Variants in SWAP70 observed in about 807,000 individuals in gnomAD.
The protein encoded by SWAP70 is switching B cell complex subunit SWAP70.
In SWAP70, 34 loss-of-function variants were observed where a neutral mutation model predicts 80.2. That is an observed-to-expected ratio of 0.42 (90% CI 0.32 to 0.56). The LOEUF (loss-of-function observed/expected upper bound fraction) is 0.56. SWAP70 is among the 20% of genes least tolerant of loss of function. The pLI is 0.09. For missense variants in SWAP70, 578 were observed against 690.7 expected, an observed-to-expected ratio of 0.84 and a Z score of 1.83; for synonymous variants, 239 against 238.5, an observed-to-expected ratio of 1.00 and a Z score of -0.02.
intron 1 of SWAP70, among the ~76,000 whole-genome samples, chr11:9,666,530 A>G (rs538780820): frequency 7.9e-5 from 12 of 152,130 alleles, no homozygotes; most frequent in South Asian, 4.2e-4. Context: ...AATGTAGAAA[A>G]CTTATCACCA....
chr11:9,723,008 A>C (rs1418429795), intron 3 of SWAP70, among the ~76,000 whole-genome samples: 1 of 152,198 alleles, frequency 6.6e-6, no homozygotes, highest in East Asian at 1.9e-4. Context: ...GAGGTGGGAC[A>C]TGTTTGAGAA....
At chr11:9,709,272 A>G (rs1226629349) in intron 2 of SWAP70, among the ~76,000 whole-genome samples, 3 of 151,204 alleles carry the variant, frequency 2.0e-5, no homozygotes, top group South Asian at 2.1e-4. Flanking sequence ...CTAAAGGCAC[A>G]TGCCAACATG....
chr11:9,672,055 T>G (rs1258382353), intron 1 of SWAP70, among the ~76,000 whole-genome samples: 4 of 124,712 alleles, frequency 3.2e-5, no homozygotes, highest in Non-Finnish European at 6.3e-5. Context: ...ATATAATATA[T>G]TTTATAGTAT....
chr11:9,729,510 T>C, intron 6 of SWAP70, 59 bp downstream of exon 6: 1 of 1,325,456 alleles, frequency 7.5e-7, no homozygotes. Flanking sequence ...CTTTCTTTTT[T>C]TTTTCTGAGA....
At chr11:9,703,138 A>G (rs1315139074) in intron 2 of SWAP70, among the ~76,000 whole-genome samples, 2 of 152,066 alleles carry the variant, frequency 1.3e-5, no homozygotes, top group Non-Finnish European at 2.9e-5. Flanking sequence ...GTCTATATAT[A>G]TTTGCCTATT....
chr11:9,697,343 CG>C (rs1417358908), intron 2 of SWAP70, among the ~76,000 whole-genome samples: 2 of 150,460 alleles, frequency 1.3e-5, no homozygotes, highest in African/African-American at 4.9e-5. Context: ...AGTGCAGTGC[CG>C]CAATCTCGGC....
chr11:9,718,017 G>A (rs1382345302), intron 3 of SWAP70, among the ~76,000 whole-genome samples: 1 of 152,236 alleles, frequency 6.6e-6, no homozygotes. Context: ...CATCCCGAAG[G>A]ATTGGGACCC....
chr11:9,725,530 AAT>A lies in SWAP70; in HGVS notation c.642+684_642+685del, dbSNP rs1211819180. On this transcript the variant is annotated intron_variant, in intron 4 of 11. Coordinates refer to ENST00000318950, the MANE Select transcript of SWAP70 (RefSeq NM_015055.4). ...AACCCTGTCTGTATTAAAAATACAAAATATATATATATATATATATATATATA... is the reference window on the plus strand; with the variant it reads ...AACCCTGTCTGTATTAAAAATACAAAATATATATATATATATATATATATA... 8.2e-3 allele frequency among the ~76,000 whole-genome samples: 495 copies of A among 60,546 alleles called. 2 individuals carry two copies. The highest frequency in any genetic ancestry group is 0.016 in the East Asian group (27 of 1,682). The allele number at this position is 60,546 out of a possible 152,430, so 39.7% of individuals were successfully genotyped here.
chr11:9,722,946 G>A (rs147773621), intron 3 of SWAP70, among the ~76,000 whole-genome samples: 1 of 152,296 alleles, frequency 6.6e-6, no homozygotes, highest in African/African-American at 2.4e-5. Context: ...TACAGTAAAA[G>A]TTTGCATCCC....
chr11:9,683,674 T>A (rs1850596003), intron 1 of SWAP70, among the ~76,000 whole-genome samples: 2 of 152,220 alleles, frequency 1.3e-5, no homozygotes, highest in Non-Finnish European at 2.9e-5. Context: ...CATATGGATT[T>A]GGCAAAACCA....
In SWAP70 at chr11:9,749,200, A is replaced by G; in HGVS notation, c.1651+17A>G. ...TAGAACCAGGTAACAGACTCTATGAAGTAATCATATATTTATTTTTATTTT... is the reference window on the plus strand; with the variant it reads ...TAGAACCAGGTAACAGACTCTATGAGGTAATCATATATTTATTTTTATTTT... On this transcript the variant is annotated intron_variant, in intron 11 of 11. Coordinates refer to ENST00000318950, the MANE Select transcript of SWAP70 (RefSeq NM_015055.4). The G allele has an allele frequency of 1.5e-6, 2 of 1,346,296 alleles. No individual in the cohort carries two copies. Among genetic ancestry groups the G allele is most frequent in the Non-Finnish European group, 2.0e-6 (2 of 999,536 alleles). The allele number at this position is 1,346,296 out of a possible 1,614,324, so 83.4% of individuals were successfully genotyped here.
At chr11:9,673,099 G>C (rs1478898804) in intron 1 of SWAP70, among the ~76,000 whole-genome samples, 1 of 152,138 alleles carries the variant, frequency 6.6e-6, no homozygotes, top group Non-Finnish European at 1.5e-5. Context: ...TCTACCTGGA[G>C]ACAGTGTCAG....
intron 6 of SWAP70, 75 bp from the exon 7 acceptor site, chr11:9,732,454 T>C: frequency 2.1e-6 from 3 of 1,409,898 alleles, no homozygotes; most frequent in Non-Finnish European, 2.9e-6. Flanking sequence ...CTTCCCACTG[T>C]GCCATTTGCA....
rs553279406 is a variant in SWAP70 at position 9,735,485 on chromosome 11, T to A, written c.1081-2728T>A. Among the ~76,000 whole-genome samples, 6 of 152,370 alleles carry A rather than the reference T, an allele frequency of 3.9e-5. No homozygotes were observed. The South Asian group carries it at 1.2e-3, about 32-fold the overall frequency. On this transcript the variant is annotated intron_variant, in intron 7 of 11. Transcript: ENST00000318950. ...GAATAATCTTGTACCTGTGTCATTG[T>A]ATATGTGTTCATACATGTTCTGATA... is the stretch of plus-strand genomic sequence containing the variant.
chr11:9,720,359 C>T, intron 3 of SWAP70: 12 of 985,376 alleles, frequency 1.2e-5, no homozygotes, highest in Non-Finnish European at 1.4e-5. Flanking sequence ...CAGGATGAAC[C>T]TGGCAAGCTA....
In SWAP70 at chr11:9,672,195, C is replaced by CTATGTATATATATATATATATA. The variant is rs530619499; in HGVS notation, c.99+7920_99+7921insGTATATATATATATATATATAT. Among the ~76,000 whole-genome samples the CTATGTATATATATATATATATA allele has an allele frequency of 1.5e-3, 120 of 78,428 alleles. 7 individuals are homozygous for CTATGTATATATATATATATATA. Among genetic ancestry groups the CTATGTATATATATATATATATA allele is most frequent in the Non-Finnish European group, 2.2e-3 (94 of 43,078 alleles). The allele number at this position is 78,428 out of a possible 152,430, so 51.5% of individuals were successfully genotyped here. A position where few individuals can be genotyped will look rare whatever the true frequency, so the allele number is the denominator to read the frequency against. On this transcript the variant is annotated intron_variant, in intron 1 of 11. Coordinates refer to ENST00000318950, the MANE Select transcript of SWAP70 (RefSeq NM_015055.4). ...TATATATATACATATATGTGTGTGT[C>CTATGTATATATATATATATATA]TATATATATATATATATATATATAT...
chr11:9,671,642 C>CTA (rs1435764973), intron 1 of SWAP70, among the ~76,000 whole-genome samples: 1 of 17,164 alleles, frequency 5.8e-5, no homozygotes, highest in Non-Finnish European at 8.7e-5. Context: ...ATAAATATTT[C>CTA]TATATAAATA....
intron 3 of SWAP70, among the ~76,000 whole-genome samples, chr11:9,714,753 A>C (rs1230465552): frequency 6.6e-6 from 1 of 151,858 alleles, no homozygotes; most frequent in African/African-American, 2.4e-5. Flanking sequence ...CTGAGTTGCC[A>C]GTCAGGATGC....
intron 7 of SWAP70, among the ~76,000 whole-genome samples, chr11:9,735,543 G>T (rs1851352242): frequency 6.6e-6 from 1 of 152,236 alleles, no homozygotes; most frequent in Non-Finnish European, 1.5e-5. Flanking sequence ...AAGTGGGAAT[G>T]CTGGGTCAAA....
Sources: allele counts gnomAD v4.1 joint callset (sites outside exome capture counted in the v4.1 genomes callset), GRCh38; gene constraint gnomAD v4.1.1; transcripts MANE v1.5; gene names NCBI Gene and HGNC (gene_info 2026-07-23, HGNC 2026-07-21).